The following ELOVL6 variants were observed in gnomAD, a reference collection of about 807,000 sequenced individuals.
The protein encoded by ELOVL6 is very long chain fatty acid elongase 6.
A neutral mutation model predicts 31.7 loss-of-function variants in ELOVL6; 8 were observed. The ratio of observed to expected loss-of-function variants is 0.25; its 90% CI spans 0.15 to 0.45. The LOEUF (loss-of-function observed/expected upper bound fraction) is 0.45. Among genes scored for constraint, ELOVL6 ranks in the 20% least tolerant of loss-of-function variants. The probability of loss-of-function intolerance (pLI) is 1.00; values close to 1 mark genes in which losing one functional copy is unlikely to be tolerated. For synonymous variants in ELOVL6, 101 were observed against 117.7 expected (o/e 0.86, Z 0.92); for missense variants, 126 against 326.4 (o/e 0.39, Z 4.73).
At chr4:110,153,685 T>C (rs1204245199) in intron 1 of ELOVL6, among the ~76,000 whole-genome samples, 1 of 152,210 alleles carries the variant, frequency 6.6e-6, no homozygotes, top group East Asian at 1.9e-4. Flanking sequence ...TTTTGAAACC[T>C]TATGCTCCAA....
intron 1 of ELOVL6, among the ~76,000 whole-genome samples, chr4:110,154,351 G>A (rs1360825552): frequency 6.6e-6 from 1 of 152,180 alleles, no homozygotes; most frequent in Non-Finnish European, 1.5e-5. Flanking sequence ...CGCCTCCCAG[G>A]TTCAGGTGAT....
intron 1 of ELOVL6, among the ~76,000 whole-genome samples, chr4:110,181,007 G>A (rs1016055320): frequency 1.3e-5 from 2 of 152,074 alleles, no homozygotes; most frequent in Admixed American, 1.3e-4. Context: ...GTGTGGTAAT[G>A]CATCCCTGTA....
At chr4:110,105,689 G>T (rs2126246562) in intron 1 of ELOVL6, 61 bp from the exon 2 acceptor site, 1 of 1,497,604 alleles carries the variant, frequency 6.7e-7, no homozygotes, top group East Asian at 2.3e-5. Flanking sequence ...ACCAAATTTT[G>T]TACCAGTTCT....
intron 1 of ELOVL6, among the ~76,000 whole-genome samples, chr4:110,142,710 A>C (rs1325143354): frequency 6.6e-6 from 1 of 152,168 alleles, no homozygotes; most frequent in Non-Finnish European, 1.5e-5. Context: ...AAACAACATA[A>C]TTACTGACTT....
chr4:110,113,859 T>C (rs1299121570), intron 1 of ELOVL6, among the ~76,000 whole-genome samples: 6 of 152,208 alleles, frequency 3.9e-5, no homozygotes, highest in Non-Finnish European at 8.8e-5. Context: ...TCAATTTCAT[T>C]GCACTAATTT....
intron 1 of ELOVL6, among the ~76,000 whole-genome samples, chr4:110,156,089 T>G (rs1220652168): frequency 6.6e-6 from 1 of 152,116 alleles, no homozygotes; most frequent in East Asian, 1.9e-4. Context: ...AATAAAGGAA[T>G]AGAAAATAAG....
At chr4:110,168,128 GA>G (rs1025698837) in intron 1 of ELOVL6, among the ~76,000 whole-genome samples, 3 of 152,028 alleles carry the variant, frequency 2.0e-5, no homozygotes, top group African/African-American at 7.2e-5. Context: ...GAGATTCAAT[GA>G]AAAAAAGTTA....
At chr4:110,074,100 T>C (rs1560807492) in intron 2 of ELOVL6, among the ~76,000 whole-genome samples, 2 of 152,174 alleles carry the variant, frequency 1.3e-5, no homozygotes, top group South Asian at 2.1e-4. Flanking sequence ...AGGTTCTAAA[T>C]ATAGTAATTC....
intron 1 of ELOVL6, among the ~76,000 whole-genome samples, chr4:110,175,018 CTATAAA>C (rs888495007): frequency 3.2e-4 from 48 of 151,550 alleles, no homozygotes; most frequent in African/African-American, 1.2e-3. Context: ...TTTGTTTATA[CTATAAA>C]TATAATTTAT....
At chr4:110,197,152 C>T (rs1759830297) in intron 1 of ELOVL6, among the ~76,000 whole-genome samples, 1 of 152,186 alleles carries the variant, frequency 6.6e-6, no homozygotes, top group Non-Finnish European at 1.5e-5. Flanking sequence ...CGACCCTCCC[C>T]GGTCAAGCCA....
At chr4:110,177,593 G>A (rs1759147248) in intron 1 of ELOVL6, among the ~76,000 whole-genome samples, 1 of 152,066 alleles carries the variant, frequency 6.6e-6, no homozygotes, top group African/African-American at 2.4e-5. Context: ...TGCTTGAGAT[G>A]CTTGTGTGGG....
chr4:110,126,216 G>T (rs59996127), intron 1 of ELOVL6, among the ~76,000 whole-genome samples: 108 of 152,110 alleles, frequency 7.1e-4, no homozygotes, highest in African/African-American at 2.5e-3. Context: ...GATAATTTTT[G>T]TATTTTTTGT....
chr4:110,057,854 G>GAAAAAAAAAAAAAAAAAAAAAAAAAA, intron 3 of ELOVL6, among the ~76,000 whole-genome samples: 1 of 131,722 alleles, frequency 7.6e-6, no homozygotes. Context: ...CTGTCTCAGG[G>GAAAAAAAAAAAAAAAAAAAAAAAAAA]AAAAAAAAAA....
At chr4:110,054,143 G>C (rs1349970292) in intron 3 of ELOVL6, among the ~76,000 whole-genome samples, 2 of 152,112 alleles carry the variant, frequency 1.3e-5, no homozygotes, top group Admixed American at 6.5e-5. Flanking sequence ...AAAGTTGTCA[G>C]TTGTTATATT....
intron 2 of ELOVL6, among the ~76,000 whole-genome samples, chr4:110,066,804 T>C: frequency 6.6e-6 from 1 of 152,134 alleles, no homozygotes; most frequent in African/African-American, 2.4e-5. Flanking sequence ...AACGTGCAGG[T>C]TTGCTACATA....
At chr4:110,168,985 AG>A (rs1182715199) in intron 1 of ELOVL6, among the ~76,000 whole-genome samples, 2 of 152,286 alleles carry the variant, frequency 1.3e-5, no homozygotes, top group East Asian at 3.9e-4. Context: ...TCTTTGAGAA[AG>A]GGTCTCACTC....
intron 2 of ELOVL6, among the ~76,000 whole-genome samples, chr4:110,102,776 C>G (rs1476533265): frequency 2.0e-5 from 3 of 152,030 alleles, no homozygotes; most frequent in Non-Finnish European, 4.4e-5. Flanking sequence ...GCACCAACAA[C>G]CACCTTTAGT....
At chr4:110,127,108 A>G (rs1235368966) in intron 1 of ELOVL6, among the ~76,000 whole-genome samples, 1 of 152,074 alleles carries the variant, frequency 6.6e-6, no homozygotes, top group African/African-American at 2.4e-5. Context: ...CCACAATACC[A>G]TGGCTCTAAG....
At chr4:110,067,734 G>T (rs1295777659) in intron 2 of ELOVL6, among the ~76,000 whole-genome samples, 1 of 152,050 alleles carries the variant, frequency 6.6e-6, no homozygotes, top group East Asian at 1.9e-4. Context: ...CAATATCTAT[G>T]GTATGATCCA....
Sources: gnomAD v4.1 joint callset for allele counts (sites outside exome capture counted in the v4.1 genomes callset) on GRCh38, gnomAD v4.1.1 for gene constraint, MANE v1.5 for transcripts, NCBI Gene and HGNC (gene_info 2026-07-23, HGNC 2026-07-21) for gene names.